The following PON2 variants were observed in gnomAD, a reference collection of about 807,000 sequenced individuals.
PON2 encodes the protein serum paraoxonase/arylesterase 2.
PON2 carries 27 observed loss-of-function variants against 36.6 expected under a neutral mutation model. The ratio of observed to expected loss-of-function variants is 0.74; its 90% confidence interval spans 0.54 to 1.02. PON2 has a LOEUF of 1.02. Among genes scored for constraint, PON2 ranks in the 50% least tolerant of loss-of-function variants. The pLI is 0.00. For missense variants in PON2, 363 were observed against 421.1 expected (o/e 0.86, Z 1.21); for synonymous variants, 149 against 156.3 (o/e 0.95, Z 0.35).
In PON2 at chr7:95,405,128, C is replaced by T; in HGVS notation, c.*202G>A. The T allele has an allele frequency of 1.8e-6, 1 of 557,990 alleles. No homozygotes were observed. Among genetic ancestry groups the T allele is most frequent in the Non-Finnish European group, 3.2e-6 (1 of 316,802 alleles). The allele number at this position is 557,990 out of a possible 1,614,324, so 34.6% of individuals were successfully genotyped here. On this transcript the variant is annotated 3_prime_UTR_variant, in exon 9 of 9. Coordinates refer to ENST00000222572, the MANE Select transcript of PON2 (RefSeq NM_000305.3). ...AAGCAGCTTTCTTTTCTGTCCCTTG[C>T]TTGGCATTTTAAAGAACCTGTTCAT...
chr7:95,433,952 C>T (rs1344993549), intron 1 of PON2, among the ~76,000 whole-genome samples: 4 of 152,186 alleles, frequency 2.6e-5, no homozygotes, highest in Admixed American at 6.5e-5. Context: ...TTCTCTCTTC[C>T]CCTGTATCAA....
intron 6 of PON2, chr7:95,409,693 T>C (rs1442721741): frequency 5.8e-6 from 1 of 173,320 alleles, no homozygotes; most frequent in Admixed American, 6.4e-5. Flanking sequence ...TATGGTATTG[T>C]ATTTGCATAT....
intron 2 of PON2, among the ~76,000 whole-genome samples, chr7:95,419,363 T>C (rs898570319): frequency 3.3e-5 from 5 of 151,892 alleles, no homozygotes; most frequent in African/African-American, 1.2e-4. Flanking sequence ...TCAGGGGAAT[T>C]AGGGGGAGAA....
At chr7:95,408,383 G>A (rs191111285) in intron 6 of PON2, among the ~76,000 whole-genome samples, 6 of 152,208 alleles carry the variant, frequency 3.9e-5, no homozygotes, top group African/African-American at 1.4e-4. Flanking sequence ...AAGGAGTTTG[G>A]GGGTAGAGGA....
intron 2 of PON2, among the ~76,000 whole-genome samples, chr7:95,420,649 C>T (rs764241320): frequency 9.9e-4 from 151 of 152,192 alleles, no homozygotes; most frequent in African/African-American, 2.2e-3. Flanking sequence ...GACTGAAGCA[C>T]GGTAGTGTGT....
intron 5 of PON2, among the ~76,000 whole-genome samples, chr7:95,410,754 C>T (rs1788904567): frequency 6.6e-6 from 1 of 152,026 alleles, no homozygotes; most frequent in South Asian, 2.1e-4. Context: ...ATTTAAATTC[C>T]AATTACTCTA....
chr7:95,429,355 A>C lies in PON2; in HGVS notation c.75-4770T>G, dbSNP rs1585765750. 3.3e-5 allele frequency among the ~76,000 whole-genome samples: 5 copies of C among 152,320 alleles called. No homozygotes were observed. In the South Asian group the frequency reaches 1.0e-3, roughly 32 times the overall value. On this transcript the variant is annotated intron_variant, in intron 1 of 8. Transcript: ENST00000222572. Reference sequence around the variant, plus strand: ...AGCTTCATCCATGTCCCTACAAAGGACATGAACTCATCCTTTTTTATGGCT... The same window carrying C: ...AGCTTCATCCATGTCCCTACAAAGGCCATGAACTCATCCTTTTTTATGGCT...
Position 95,424,945 on chromosome 7 carries a change from T to C in PON2, c.75-360A>G, listed in dbSNP as rs2286233. ...AAAAGAGTTCCAGATGTAGAACCAG[T>C]AGCCCTGTCTTCCTTCTGAAGAGTC... is the stretch of plus-strand genomic sequence containing the variant. On this transcript the variant is annotated intron_variant, in intron 1 of 8. Coordinates refer to ENST00000222572, the MANE Select transcript of PON2 (RefSeq NM_000305.3). Among the ~76,000 whole-genome samples, 579 of 152,180 alleles carry C rather than the reference T, an allele frequency of 3.8e-3. 3 individuals carry two copies. The highest frequency in any genetic ancestry group is 0.013 in the African/African-American group (553 of 41,490).
intron 2 of PON2, among the ~76,000 whole-genome samples, chr7:95,421,700 G>A (rs1789196378): frequency 2.0e-5 from 3 of 152,204 alleles, no homozygotes; most frequent in Admixed American, 2.0e-4. Context: ...GGGGAGGGGA[G>A]GTAGAACTGG....
intron 1 of PON2, among the ~76,000 whole-genome samples, chr7:95,429,843 G>A (rs1789397054): frequency 6.6e-6 from 1 of 152,120 alleles, no homozygotes; most frequent in Non-Finnish European, 1.5e-5. Context: ...GGCAATACTT[G>A]CACTAAGTAA....
chr7:95,410,206 G>A, intron 5 of PON2, 105 bp from the exon 6 acceptor site: 1 of 980,582 alleles, frequency 1.0e-6, no homozygotes, highest in South Asian at 1.4e-5. Context: ...TTAAATTTTT[G>A]GTAAGAGGAA....
chr7:95,424,483 A>G (rs371809604), intron 2 of PON2, 32 bp downstream of exon 2: 1 of 1,572,134 alleles, frequency 6.4e-7, no homozygotes, highest in African/African-American at 1.3e-5. Flanking sequence ...CAAAAAATGC[A>G]ATGTGCCCAA....
chr7:95,409,062 C>T (rs1005338991), intron 6 of PON2, among the ~76,000 whole-genome samples: 2 of 152,122 alleles, frequency 1.3e-5, no homozygotes, highest in African/African-American at 2.4e-5. Context: ...CCTGTAATCC[C>T]AGCACTTCGG....
At chr7:95,411,851 A>G in intron 4 of PON2, 72 bp from the exon 5 acceptor site, 1 of 1,510,208 alleles carries the variant, frequency 6.6e-7, no homozygotes, top group Admixed American at 1.7e-5. Context: ...ACTGACATTT[A>G]AATACCACAG....
intron 3 of PON2, 98 bp downstream of exon 3, chr7:95,416,144 T>C: frequency 6.3e-7 from 1 of 1,580,248 alleles, no homozygotes; most frequent in Non-Finnish European, 8.6e-7. Context: ...GAATGCATTT[T>C]GGAAAATGAA....
chr7:95,431,808 T>G lies in PON2; in HGVS notation c.74+3070A>C, dbSNP rs532359933. On this transcript the variant is annotated intron_variant, in intron 1 of 8. Coordinates refer to ENST00000222572, the MANE Select transcript of PON2 (RefSeq NM_000305.3). ...ATATGATAAAATACAGGGTACCCAG[T>G]GATATTTTAATTTGAGATAAACAAT... is the stretch of plus-strand genomic sequence containing the variant. Among the ~76,000 whole-genome samples, 6 of 152,018 alleles carry G rather than the reference T, an allele frequency of 3.9e-5. 1 individual carries two copies. In the South Asian group the frequency reaches 1.2e-3, roughly 32 times the overall value.
At chr7:95,429,034 AC>A (rs1319489648) in intron 1 of PON2, among the ~76,000 whole-genome samples, 1 of 151,222 alleles carries the variant, frequency 6.6e-6, no homozygotes. Flanking sequence ...CAAAGCATGA[AC>A]TTTTTTTTTT....
In PON2 at chr7:95,406,996, A is replaced by C. The variant is rs756952998; in HGVS notation, c.768T>G (p.Thr256=). The C allele has an allele frequency of 6.5e-7, 1 of 1,538,396 alleles. No homozygotes were observed. The highest frequency in any genetic ancestry group is 9.0e-7 in the Non-Finnish European group (1 of 1,112,836). ...VLEKHTNMNL[T]QLKVLELDTL... ...AAAATAAATATTTTACCTTCAACTG[A>C]GTTAAATTCATATTAGTGTGTTTTT... Residue 256 remains threonine, a synonymous_variant, in exon 7 of 9, where the codon ACT becomes ACG. Coordinates refer to ENST00000222572, the MANE Select transcript of PON2 (RefSeq NM_000305.3).
intron 4 of PON2, 134 bp from the exon 5 acceptor site, chr7:95,411,913 C>G (rs1788937326): frequency 2.1e-6 from 2 of 930,880 alleles, no homozygotes; most frequent in African/African-American, 3.3e-5. Flanking sequence ...AGATCATTCT[C>G]TGTCTTTCCT....
Sources: gnomAD v4.1 joint callset for allele counts (sites outside exome capture counted in the v4.1 genomes callset) on GRCh38, gnomAD v4.1.1 for gene constraint, MANE v1.5 for transcripts, NCBI Gene and HGNC (gene_info 2026-07-23, HGNC 2026-07-21) for gene names.